The following TENM2 variants were observed in gnomAD, a reference collection of about 807,000 sequenced individuals.
TENM2 encodes teneurin transmembrane protein 2, also known as teneurin-2.
In TENM2, 52 loss-of-function variants were observed where a neutral mutation model predicts 245.2. The ratio of observed to expected loss-of-function variants is 0.21; its 90% CI spans 0.17 to 0.27. The LOEUF (loss-of-function observed/expected upper bound fraction) is 0.27, where lower values mean the gene tolerates loss of function less well. Ranked by LOEUF, TENM2 falls within the 10% of genes least tolerant of loss-of-function variation. TENM2 has a pLI of 1.00. For synonymous variants in TENM2, 1,363 were observed against 1,438.9 expected (o/e 0.95, Z 1.19); for missense variants, 3,046 against 3,666.8 (o/e 0.83, Z 4.37).
At chr5:167,252,429 G>GT in the TENM2 span, among the ~76,000 whole-genome samples, 1 of 152,098 alleles carries the variant, frequency 6.6e-6, no homozygotes, top group East Asian at 1.9e-4. Context: ...GCTTTGGGAG[G>GT]TTTCCTTTCG....
the TENM2 span, among the ~76,000 whole-genome samples, chr5:167,258,808 A>G: frequency 6.6e-6 from 1 of 152,202 alleles, no homozygotes; most frequent in African/African-American, 2.4e-5. Context: ...TGCACATAGG[A>G]TCATTCTTTG....
chr5:167,138,915 G>T, the TENM2 span, among the ~76,000 whole-genome samples: 1 of 152,156 alleles, frequency 6.6e-6, no homozygotes, highest in Non-Finnish European at 1.5e-5. Context: ...GAGTCACAGC[G>T]CCTGGCCTGT....
At chr5:167,143,456 G>A in the TENM2 span, among the ~76,000 whole-genome samples, 1 of 152,066 alleles carries the variant, frequency 6.6e-6, no homozygotes, top group Admixed American at 6.6e-5. Flanking sequence ...TCTTACCTTT[G>A]TGTATGGTGT....
the TENM2 span, among the ~76,000 whole-genome samples, chr5:167,230,790 T>C: frequency 6.6e-6 from 1 of 152,210 alleles, no homozygotes; most frequent in Admixed American, 6.5e-5. Flanking sequence ...AGAAATGTAA[T>C]GTAAACTTAT....
the TENM2 span, among the ~76,000 whole-genome samples, chr5:167,146,298 T>C: frequency 1.3e-5 from 2 of 152,298 alleles, no homozygotes; most frequent in South Asian, 4.1e-4. Context: ...AACTAAGAGT[T>C]AATTCACATT....
Position 168,061,883 on chromosome 5 carries a change from A to G in TENM2, c.1310-177A>G, listed in dbSNP as rs142617181. Among the ~76,000 whole-genome samples the G allele has an allele frequency of 4.7e-4, 71 of 152,338 alleles. 1 individual carries two copies. In the East Asian group the frequency reaches 0.012, roughly 25 times the overall value. ...CGGATGCCCTGGGGTGTGCATTTAT[A>G]GCTTTGTTATTTGAAACCTAAATGT... On this transcript the variant is annotated intron_variant, in intron 6 of 28. Coordinates refer to ENST00000518659, the Ensembl canonical transcript of TENM2.
chr5:167,920,430 A>T (rs1777276134), intron 3 of TENM2, among the ~76,000 whole-genome samples: 1 of 151,252 alleles, frequency 6.6e-6, no homozygotes, highest in African/African-American at 2.4e-5. Context: ...AGGCAGGAGA[A>T]TTGCTTGAAC....
chr5:168,006,935 A>G (rs1438503711), intron 5 of TENM2, among the ~76,000 whole-genome samples: 2 of 152,192 alleles, frequency 1.3e-5, no homozygotes, highest in Non-Finnish European at 2.9e-5. Context: ...GGATGAAGAA[A>G]TCAGGATGGT....
chr5:167,848,625 C>A (rs1010992436), intron 2 of TENM2, among the ~76,000 whole-genome samples: 2 of 152,204 alleles, frequency 1.3e-5, no homozygotes, highest in African/African-American at 4.8e-5. Flanking sequence ...TTAATGATTT[C>A]TCGGACAGTC....
chr5:168,154,164 A>AAAAAAC (rs1171979738), intron 12 of TENM2, among the ~76,000 whole-genome samples: 1 of 150,658 alleles, frequency 6.6e-6, no homozygotes, highest in African/African-American at 2.5e-5. Context: ...AAAAAAAAAA[A>AAAAAAC]AACAGTAAGA....
intron 19 of TENM2, among the ~76,000 whole-genome samples, chr5:168,205,176 T>C (rs1294702889): frequency 6.6e-6 from 1 of 152,190 alleles, no homozygotes. Context: ...GACATGCTCT[T>C]GCCAGGAAAG....
intron 2 of TENM2, among the ~76,000 whole-genome samples, chr5:167,445,326 T>TAGAGAGAGAGAG (rs1394963206): frequency 8.8e-4 from 29 of 32,848 alleles, no homozygotes; most frequent in South Asian, 1.4e-3. Flanking sequence ...TATATATATA[T>TAGAGAGAGAGAG]ATATATATAT....
chr5:167,831,343 C>T (rs1175610889), intron 2 of TENM2, among the ~76,000 whole-genome samples: 4 of 152,040 alleles, frequency 2.6e-5, no homozygotes, highest in African/African-American at 9.7e-5. Context: ...ATAAAGTAGC[C>T]AAATGGAAGA....
chr5:168,145,024 GTTGT>G (rs1244669477), intron 12 of TENM2, among the ~76,000 whole-genome samples: 14 of 151,982 alleles, frequency 9.2e-5, no homozygotes, highest in African/African-American at 3.4e-4. Context: ...TTTTGATGGG[GTTGT>G]TTGTTTCTTT....
intron 3 of TENM2, among the ~76,000 whole-genome samples, chr5:167,882,370 T>C (rs1029634939): frequency 2.6e-5 from 4 of 152,192 alleles, no homozygotes; most frequent in African/African-American, 7.2e-5. Context: ...CTTGGAACCA[T>C]TAATGTAGTG....
the TENM2 span, among the ~76,000 whole-genome samples, chr5:167,101,651 C>CTCCCTCTTGGGAA: frequency 7.3e-5 from 11 of 151,294 alleles, no homozygotes; most frequent in African/African-American, 9.7e-5. Context: ...GCAGCTTCCA[C>CTCCCTCTTGGGAA]TCCCTCTTGG....
At chr5:168,039,684 A>G (rs975414971) in intron 5 of TENM2, among the ~76,000 whole-genome samples, 3 of 152,092 alleles carry the variant, frequency 2.0e-5, no homozygotes, top group African/African-American at 4.8e-5. Flanking sequence ...ATGCCTGACT[A>G]GCATTGCCAG....
chr5:168,204,309 G>A (rs1762179447), intron 18 of TENM2, 63 bp from the exon 21 acceptor site: 22 of 1,544,202 alleles, frequency 1.4e-5, no homozygotes, highest in Non-Finnish European at 1.9e-5. Flanking sequence ...CCTCCCAGTT[G>A]GCCAATACAC....
rs529541352 is a variant in TENM2 at position 167,586,568 on chromosome 5, G to T, written c.502+211095G>T. On this transcript the variant is annotated intron_variant, in intron 2 of 28. Transcript: ENST00000518659. ...CTCACTCTCCCTTTCCTTCTCCAGG[G>T]TGTCCTGTTGAATCCACTCCTATGT... Among the ~76,000 whole-genome samples, 7 of 152,142 alleles carry T rather than the reference G, an allele frequency of 4.6e-5. No homozygotes were observed. The South Asian group carries it at 1.4e-3, about 31-fold the overall frequency.
Sources: allele counts gnomAD v4.1 joint callset (sites outside exome capture counted in the v4.1 genomes callset), GRCh38; gene constraint gnomAD v4.1.1; transcripts MANE v1.5; gene names NCBI Gene and HGNC (gene_info 2026-07-23, HGNC 2026-07-21).